Variants in ZMYND12 observed in about 807,000 individuals in gnomAD.
The protein encoded by ZMYND12 is zinc finger MYND-type containing 12.
Under a neutral mutation model 41.7 loss-of-function variants are expected in ZMYND12, and 32 were observed. The observed-to-expected ratio is 0.77, with a 90% CI of 0.58 to 1.03. The LOEUF (loss-of-function observed/expected upper bound fraction) is 1.03, where lower values mean the gene tolerates loss of function less well. ZMYND12 is among the 50% of genes least tolerant of loss of function. The pLI is 0.00. For missense variants in ZMYND12, 424 were observed against 438.5 expected (o/e 0.97, Z 0.30); for synonymous variants, 148 against 164.8 (o/e 0.90, Z 0.78).
Position 42,433,510 on chromosome 1 carries a change from A to T in ZMYND12, c.830-222T>A, listed in dbSNP as rs573383022. ...TTCAGACCGCTTTCCAGCTTTGCTT[A>T]GCATGCCATTATCAGAGTAGCCTAA... On this transcript the variant is annotated intron_variant, in intron 6 of 7. Coordinates refer to ENST00000372565, the MANE Select transcript of ZMYND12 (RefSeq NM_032257.5). 5.9e-5 allele frequency among the ~76,000 whole-genome samples: 9 copies of T among 152,338 alleles called. No individual in the cohort carries two copies. The South Asian group carries it at 1.9e-3, about 32-fold the overall frequency.
At chr1:42,434,126 G>T (rs968764276) in intron 6 of ZMYND12, among the ~76,000 whole-genome samples, 11 of 152,096 alleles carry the variant, frequency 7.2e-5, no homozygotes, top group Admixed American at 3.3e-4. Flanking sequence ...AACATAATTT[G>T]TACTCACAGG....
At chr1:42,451,025 C>T (rs74657472) in intron 1 of ZMYND12, among the ~76,000 whole-genome samples, 4,789 of 152,238 alleles carry the variant, frequency 0.031, 277 homozygotes, top group African/African-American at 0.11. Context: ...ATGTTCTATA[C>T]GCACTAGAGA....
At chr1:42,432,496 T>C (rs1642864136) in intron 7 of ZMYND12, among the ~76,000 whole-genome samples, 1 of 152,148 alleles carries the variant, frequency 6.6e-6, no homozygotes, top group Admixed American at 6.5e-5. Flanking sequence ...AGTCCCTAGA[T>C]TAGTGCTTTA....
chr1:42,449,986 T>C lies in ZMYND12; in HGVS notation c.184A>G (p.Thr62Ala). Reference sequence around the variant, plus strand: ...TCTGAATTGTAGAAGGGCATGGAAGTGCGCAGTGGAATCAAGAGCTGACAT... The same window carrying C: ...TCTGAATTGTAGAAGGGCATGGAAGCGCGCAGTGGAATCAAGAGCTGACAT... ...KICQLLIPLR[T>A]SMPFYNSEEE... The change falls in exon 2 of 8, where the codon ACT (threonine) becomes GCT (alanine). Residue 62 changes from threonine (T) to alanine (A), a missense_variant. Thr to Ala is a moderately conservative substitution (Grantham distance 58). Transcript: ENST00000372565. The C allele has an allele frequency of 6.2e-7, 1 of 1,613,966 alleles. No homozygotes were observed. The highest frequency in any genetic ancestry group is 1.1e-5 in the South Asian group (1 of 91,090).
intron 1 of ZMYND12, among the ~76,000 whole-genome samples, chr1:42,455,349 T>C (rs757714507): frequency 1.3e-5 from 2 of 152,242 alleles, no homozygotes; most frequent in Non-Finnish European, 2.9e-5. Flanking sequence ...CTCCGCTCAC[T>C]GCGAGCTCCG....
chr1:42,437,967 C>T (rs1030899181), intron 4 of ZMYND12, among the ~76,000 whole-genome samples: 42 of 152,166 alleles, frequency 2.8e-4, no homozygotes, highest in African/African-American at 8.7e-4. Flanking sequence ...TGAGCCACTG[C>T]GCCCAGCTAA....
chr1:42,444,411 C>T (rs922480169), intron 3 of ZMYND12, among the ~76,000 whole-genome samples: 2 of 152,214 alleles, frequency 1.3e-5, no homozygotes, highest in Non-Finnish European at 2.9e-5. Context: ...TTTCTTTAGA[C>T]TTCCAGAAAC....
chr1:42,435,122 C>T (rs1197502853), intron 6 of ZMYND12, 152 bp downstream of exon 6: 14 of 625,492 alleles, frequency 2.2e-5, no homozygotes, highest in Middle Eastern at 3.6e-4. Flanking sequence ...TCTCTTTGAT[C>T]CCCGTGTCTC....
intron 4 of ZMYND12, among the ~76,000 whole-genome samples, 161 bp downstream of exon 4, chr1:42,439,695 T>A (rs1275039775): frequency 6.6e-6 from 1 of 152,186 alleles, no homozygotes; most frequent in African/African-American, 2.4e-5. Flanking sequence ...CTCGGGTCGG[T>A]AGAATTGTGT....
intron 3 of ZMYND12, among the ~76,000 whole-genome samples, chr1:42,444,802 CTT>C (rs34129195): frequency 1.0e-4 from 13 of 124,544 alleles, no homozygotes; most frequent in Admixed American, 1.6e-4. Context: ...AGGAGTAGTT[CTT>C]TTTTTTTTTT....
chr1:42,447,754 T>G (rs1643038900), intron 3 of ZMYND12, among the ~76,000 whole-genome samples: 1 of 152,244 alleles, frequency 6.6e-6, no homozygotes, highest in South Asian at 2.1e-4. Flanking sequence ...AAAGTATTTT[T>G]TTAATGGTGG....
At chr1:42,454,218 G>A (rs1643117369) in intron 1 of ZMYND12, among the ~76,000 whole-genome samples, 1 of 152,144 alleles carries the variant, frequency 6.6e-6, no homozygotes, top group Non-Finnish European at 1.5e-5. Flanking sequence ...TGAGTGTGGT[G>A]GGAAGTGAAG....
In ZMYND12 at chr1:42,455,897, G is replaced by A. The variant is rs756155471; in HGVS notation, c.101C>T (p.Thr34Ile). The change falls in exon 1 of 8, where the codon ACT (threonine) becomes ATT (isoleucine). Residue 34 changes from threonine to isoleucine, a missense_variant. Physicochemically the swap from Thr to Ile is moderately conservative, Grantham distance 89. Coordinates refer to ENST00000372565, the MANE Select transcript of ZMYND12 (RefSeq NM_032257.5). ...ACGTTTCAGGGCCTACCAGTAATAAGTGACTGTGCAGGCCGCGCACACCCG... is the reference window on the plus strand; with the variant it reads ...ACGTTTCAGGGCCTACCAGTAATAAATGACTGTGCAGGCCGCGCACACCCG... The part of the protein sequence containing the change: ...AERVCAACTV[T>I]YYCGVVHQKA... 1.9e-6 allele frequency: 3 copies of A among 1,612,034 alleles called. No homozygotes were observed. Among genetic ancestry groups the A allele is most frequent in the Non-Finnish European group, 2.5e-6 (3 of 1,178,768 alleles).
At chr1:42,434,709 C>T (rs1056953267) in intron 6 of ZMYND12, among the ~76,000 whole-genome samples, 2 of 151,780 alleles carry the variant, frequency 1.3e-5, no homozygotes, top group Admixed American at 6.6e-5. Flanking sequence ...GTCACTGTCA[C>T]CCATCACTCC....
chr1:42,452,698 G>A (rs111301847), intron 1 of ZMYND12, among the ~76,000 whole-genome samples: 3,420 of 151,982 alleles, frequency 0.023, 51 homozygotes, highest in Non-Finnish European at 0.032. Context: ...GCAAGACTCC[G>A]TCTCAAAAAA....
In ZMYND12 at chr1:42,450,012, A is replaced by AT; in HGVS notation, c.157dup (p.Ile53AsnfsTer37). On this transcript the variant is annotated frameshift_variant, in exon 2 of 8. Transcript: ENST00000372565. LOFTEE classifies it high-confidence loss of function. ...GCGCAGTGGAATCAAGAGCTGACAT[A>AT]TTTTCTCATGGATGCTGTCCCAGTC... The AT allele has an allele frequency of 6.2e-7, 1 of 1,613,942 alleles. No homozygotes were observed. The highest frequency in any genetic ancestry group is 8.5e-7 in the Non-Finnish European group (1 of 1,180,032).
intron 1 of ZMYND12, among the ~76,000 whole-genome samples, chr1:42,454,228 G>A (rs1484311124): frequency 6.6e-6 from 1 of 152,158 alleles, no homozygotes; most frequent in Non-Finnish European, 1.5e-5. Flanking sequence ...GGGAAGTGAA[G>A]GTAGAGAAAT....
chr1:42,439,583 C>G (rs921354052), intron 4 of ZMYND12, among the ~76,000 whole-genome samples: 8 of 152,138 alleles, frequency 5.3e-5, no homozygotes, highest in African/African-American at 1.9e-4. Context: ...CTTCTCTTAA[C>G]GAGTATGCTG....
chr1:42,442,515 A>G (rs900637330), intron 3 of ZMYND12, among the ~76,000 whole-genome samples: 1 of 152,154 alleles, frequency 6.6e-6, no homozygotes, highest in African/African-American at 2.4e-5. Flanking sequence ...AGGCCTGCCT[A>G]CCTGCTTGAC....
Sources: gnomAD v4.1 joint callset for allele counts (sites outside exome capture counted in the v4.1 genomes callset) on GRCh38, gnomAD v4.1.1 for gene constraint, MANE v1.5 for transcripts, NCBI Gene and HGNC (gene_info 2026-07-23, HGNC 2026-07-21) for gene names.